LY6H: variants seen among roughly 807,000 people sequenced by gnomAD.
LY6H encodes lymphocyte antigen 6H.
LY6H carries 8 observed loss-of-function variants against 14.6 expected under a neutral mutation model. The ratio of observed to expected loss-of-function variants is 0.55; its 90% CI spans 0.32 to 0.99. LY6H has a LOEUF of 0.99. LY6H is among the 50% of genes least tolerant of loss of function. The probability of loss-of-function intolerance (pLI) is 0.04; values close to 1 mark genes in which losing one functional copy is unlikely to be tolerated. For missense variants in LY6H, 196 were observed against 219.6 expected (o/e 0.89, Z 0.68); for synonymous variants, 115 against 97.2 (o/e 1.18, Z -1.08).
intron 2 of LY6H, chr8:143,159,164 A>G: frequency 3.3e-6 from 2 of 607,982 alleles, no homozygotes; most frequent in Non-Finnish European, 5.9e-6. Context: ...GTGCGTGCAC[A>G]CACACACACA....
intron 2 of LY6H, chr8:143,159,378 C>G (rs1427715541): frequency 3.2e-6 from 2 of 616,544 alleles, no homozygotes; most frequent in East Asian, 6.4e-5. Context: ...GTTCCAGGCC[C>G]TGGAGGAAGA....
chr8:143,158,337 C>T lies in LY6H; in HGVS notation c.399G>A (p.Gly133=). 12 of 1,613,932 alleles carry T rather than the reference C, an allele frequency of 7.4e-6. No homozygotes were observed. The highest frequency in any genetic ancestry group is 1.0e-5 in the Non-Finnish European group (12 of 1,179,944). ...AGGGGCTGTGCCCTGCCCCTGCCGC[C>T]CCATTGCACAAATCCTTCTCGCAGC... ...VDCCEKDLCN[G]AAGAGHSPWA... is the part of the protein sequence containing the mutation. The change falls in exon 4 of 4, where the codon GGG becomes GGA. Residue 133 remains glycine, a synonymous_variant. Coordinates refer to ENST00000342752, the MANE Select transcript of LY6H (RefSeq NM_001135655.2).
rs756378145 is a variant in LY6H at position 143,158,783 on chromosome 8, C to T, written c.250+20G>A. 1.3e-6 allele frequency: 2 copies of T among 1,564,994 alleles called. No homozygotes were observed. Among genetic ancestry groups the T allele is most frequent in the East Asian group, 2.3e-5 (1 of 44,278 alleles). On this transcript the variant is annotated intron_variant, in intron 3 of 3. Transcript: ENST00000342752. ...GCCTGGCTTTTAGCACATTCCCCAC[C>T]ACCCTAAGTCCCAACTTACTGCTGC... is the stretch of plus-strand genomic sequence containing the variant.
Position 143,158,340 on chromosome 8 carries a change from A to T in LY6H, c.396T>A (p.Asn132Lys). Reference protein sequence around the residue: ...DVDCCEKDLCNGAAGAGHSPW... With the variant: ...DVDCCEKDLCKGAAGAGHSPW... ...GGCTGTGCCCTGCCCCTGCCGCCCC[A>T]TTGCACAAATCCTTCTCGCAGCAGT... is the stretch of plus-strand genomic sequence containing the variant. The change falls in exon 4 of 4, where the codon AAT becomes AAA. Residue 132 changes from asparagine (N) to lysine (K), a missense_variant. Physicochemically the swap from Asn to Lys is moderately conservative, Grantham distance 94. Coordinates refer to ENST00000342752, the MANE Select transcript of LY6H (RefSeq NM_001135655.2). 1 of 1,613,876 alleles carries T rather than the reference A, an allele frequency of 6.2e-7. No homozygotes were observed. The highest frequency in any genetic ancestry group is 8.5e-7 in the Non-Finnish European group (1 of 1,179,920).
chr8:143,160,126 T>A (rs1815563685), intron 1 of LY6H, 72 bp downstream of exon 1: 3 of 1,221,878 alleles, frequency 2.5e-6, no homozygotes, highest in Middle Eastern at 3.0e-4. Context: ...CCCTTGGCCT[T>A]CCGCGCGCGC....
In LY6H at chr8:143,158,136, A is replaced by G; in HGVS notation, c.*114T>C. ...GGGGGAGGAGTGAGAGCCACAGGCC[A>G]CAGCCACGGAGCTGGGCCAAGGCTG... On this transcript the variant is annotated 3_prime_UTR_variant, in exon 4 of 4. Coordinates refer to ENST00000342752, the MANE Select transcript of LY6H (RefSeq NM_001135655.2). 2.9e-6 allele frequency: 2 copies of G among 680,744 alleles called. No homozygotes were observed. Among genetic ancestry groups the G allele is most frequent in the Non-Finnish European group, 5.0e-6 (2 of 402,132 alleles). The allele number at this position is 680,744 out of a possible 1,614,324, so 42.2% of individuals were successfully genotyped here. A position where few individuals can be genotyped will look rare whatever the true frequency, so the allele number is the denominator to read the frequency against.
rs537176820 is a variant in LY6H, at chr8:143,158,300, C to G, written c.436G>C (p.Gly146Arg). Residue 146 changes from glycine to arginine, a missense_variant, in exon 4 of 4, where the codon GGG becomes CGG. Physicochemically the swap from Gly to Arg is moderately radical, Grantham distance 125. Transcript: ENST00000342752. ...GGCCCCAGGCTGAGCAGGAGCCCCC[C>G]GGCCAGGGCCCAGGGGCTGTGCCCT... ...GAGHSPWALAGGLLLSLGPAL... is the reference protein window; with the variant it reads ...GAGHSPWALARGLLLSLGPAL... The G allele has an allele frequency of 1.4e-5, 23 of 1,613,350 alleles. No homozygotes were observed. Among genetic ancestry groups the G allele is most frequent in the Admixed American group, 3.3e-5 (2 of 60,010 alleles).
At chr8:143,159,748 C>A in intron 1 of LY6H, 39 bp from the exon 2 acceptor site, 3 of 1,327,704 alleles carry the variant, frequency 2.3e-6, no homozygotes, top group Non-Finnish European at 2.9e-6. Context: ...CCCCAAAGAC[C>A]CTCTCCTTTC....
intron 1 of LY6H, 78 bp downstream of exon 1, chr8:143,160,120 T>C: frequency 8.4e-7 from 1 of 1,194,468 alleles, no homozygotes; most frequent in Non-Finnish European, 1.1e-6. Flanking sequence ...TCCCCTCCCT[T>C]GGCCTTCCGC....
In LY6H at chr8:143,158,365, T is replaced by C. The variant is rs1233453712; in HGVS notation, c.371A>G (p.Asp124Gly). The part of the protein sequence containing the change: ...INSGILKVDV[D>G]CCEKDLCNGA... ...ATTGCACAAATCCTTCTCGCAGCAGTCCACGTCGACCTTTAAGATCCCAGA... is the reference window on the plus strand; with the variant it reads ...ATTGCACAAATCCTTCTCGCAGCAGCCCACGTCGACCTTTAAGATCCCAGA... The change falls in exon 4 of 4, where the codon GAC becomes GGC. Residue 124 changes from aspartate (D) to glycine (G), a missense_variant. Transcript: ENST00000342752. 1 of 1,613,762 alleles carries C rather than the reference T, an allele frequency of 6.2e-7. No homozygotes were observed. The highest frequency in any genetic ancestry group is 2.2e-5 in the East Asian group (1 of 44,834).
At chr8:143,159,769 G>A in intron 1 of LY6H, 60 bp from the exon 2 acceptor site, 1 of 1,310,222 alleles carries the variant, frequency 7.6e-7, no homozygotes, top group Non-Finnish European at 9.7e-7. Context: ...CCAGCCTCAG[G>A]ATGCAACCTT....
intron 1 of LY6H, 57 bp downstream of exon 1, chr8:143,160,141 G>T: frequency 8.0e-7 from 1 of 1,251,962 alleles, no homozygotes; most frequent in Non-Finnish European, 1.0e-6. Context: ...GCGCGCCTCG[G>T]CGCTCACCGC....
At chr8:143,159,942 G>C (rs1015058074) in intron 1 of LY6H, 5 of 1,241,418 alleles carry the variant, frequency 4.0e-6, no homozygotes, top group East Asian at 3.2e-5. Flanking sequence ...GCACCTGTGT[G>C]GGGGAGCGGA....
At chr8:143,160,336 A>AG, upstream of LY6H, 1 of 530,590 alleles carries the variant, frequency 1.9e-6, no homozygotes, top group Non-Finnish European at 2.6e-6. Context: ...ACCCCGCGCG[A>AG]GGGGCGGGGC....
intron 3 of LY6H, 110 bp from the exon 4 acceptor site, chr8:143,158,595 AG>A (rs1815510622): frequency 3.4e-6 from 4 of 1,183,274 alleles, no homozygotes; most frequent in Non-Finnish European, 4.8e-6. Context: ...CCCAGTAGGC[AG>A]GGCCGAGTCC....
chr8:143,159,140 T>C, intron 2 of LY6H: 1 of 637,894 alleles, frequency 1.6e-6, no homozygotes, highest in Non-Finnish European at 2.8e-6. Context: ...GGCCCCTCCC[T>C]GGCCCCCATG....
Position 143,159,675 on chromosome 8 carries a change from G to A in LY6H, c.37C>T (p.Arg13Cys). ...CTCCGGGTGGGCCTGGGGGCGGCGC[G>A]GGGGCTTGGGGCGCGGGTCCTCTGG... ...APQRTRAPSP[R>C]AAPRPTRSML... The change falls in exon 2 of 4, where the codon CGC becomes TGC. Residue 13 changes from arginine to cysteine, a missense_variant. Arg to Cys is a radical substitution (Grantham distance 180). Coordinates refer to ENST00000342752, the MANE Select transcript of LY6H (RefSeq NM_001135655.2). The A allele has an allele frequency of 7.2e-7, 1 of 1,395,210 alleles. No homozygotes were observed. The highest frequency in any genetic ancestry group is 9.2e-7 in the Non-Finnish European group (1 of 1,085,422). 86.4% of individuals were successfully genotyped at this position (1,395,210 alleles called of 1,614,324 possible). A position where few individuals can be genotyped will look rare whatever the true frequency, so the allele number is the denominator to read the frequency against.
chr8:143,160,558 A>T (rs993120140), upstream of LY6H: 1 of 151,024 alleles, frequency 6.6e-6, no homozygotes, highest in Non-Finnish European at 1.5e-5. Context: ...AGGCGTGGGC[A>T]GGATCCCTTC....
In LY6H at chr8:143,158,912, C is replaced by T. The variant is rs1182271534; in HGVS notation, c.141G>A (p.Leu47=). 14 of 1,613,792 alleles carry T rather than the reference C, an allele frequency of 8.7e-6. No individual in the cohort carries two copies. Among genetic ancestry groups the T allele is most frequent in the Non-Finnish European group, 1.2e-5 (14 of 1,179,958 alleles). Residue 47 remains leucine (L), a synonymous_variant, in exon 3 of 4, where the codon CTG becomes CTA. Transcript: ENST00000342752. ...VLLCSAPAHG[L]WCQDCTLTTN... is the part of the protein sequence containing the mutation. ...TGGTCAGGGTGCAGTCCTGGCACCA[C>T]AGGCCATGAGCTGGGCAGGGCATGG...
Sources: gnomAD v4.1 joint callset for allele counts on GRCh38, gnomAD v4.1.1 for gene constraint, MANE v1.5 for transcripts, NCBI Gene and HGNC (gene_info 2026-07-23, HGNC 2026-07-21) for gene names.